Variants in CMYA5 observed in about 807,000 individuals in gnomAD.
CMYA5 encodes the protein cardiomyopathy associated 5.
CMYA5 carries 246 observed loss-of-function variants against 318.9 expected under a neutral mutation model. That is an observed-to-expected ratio of 0.77 (90% CI 0.70 to 0.86). The LOEUF is 0.86. Ranked by LOEUF, CMYA5 falls within the 40% of genes least tolerant of loss-of-function variation. The pLI, the probability that CMYA5 is intolerant of heterozygous loss-of-function variation, is 0.00. For synonymous variants in CMYA5, 1,641 were observed against 1,729.5 expected (o/e 0.95, Z 1.27); for missense variants, 4,589 against 4,678.2 (o/e 0.98, Z 0.56).
At chr5:79,713,400 T>A (rs1827442609) in intron 1 of CMYA5, among the ~76,000 whole-genome samples, 1 of 150,654 alleles carries the variant, frequency 6.6e-6, no homozygotes, top group Admixed American at 6.7e-5. Context: ...AATAATTGAG[T>A]TTCCTATGTT....
At chr5:79,743,175 TTTG>T (rs1197042965) in intron 2 of CMYA5, among the ~76,000 whole-genome samples, 17 of 152,218 alleles carry the variant, frequency 1.1e-4, no homozygotes, top group African/African-American at 3.6e-4. Context: ...TTTTTTCTGC[TTTG>T]TTATTTTTTA....
intron 1 of CMYA5, among the ~76,000 whole-genome samples, chr5:79,715,365 G>A (rs1444200729): frequency 6.6e-6 from 1 of 151,876 alleles, no homozygotes; most frequent in Admixed American, 6.6e-5. Flanking sequence ...TCAGCTCACT[G>A]CAAGCTCCGC....
rs75609173 is a variant in CMYA5, at chr5:79,791,953, G to T, written c.11789+884G>T. Among the ~76,000 whole-genome samples, 42 of 152,306 alleles carry T rather than the reference G, an allele frequency of 2.8e-4. No individual in the cohort carries two copies. The East Asian group carries it at 8.1e-3, about 29-fold the overall frequency. On this transcript the variant is annotated intron_variant, in intron 11 of 12. Coordinates refer to ENST00000446378, the MANE Select transcript of CMYA5 (RefSeq NM_153610.5). ...AAGGTATGTGAAACTCTTGAAAACT[G>T]TAACACACGGGAAACACAGGCTGCT...
chr5:79,731,219 G>T lies in CMYA5; in HGVS notation c.2454G>T (p.Glu818Asp). 3 of 1,613,934 alleles carry T rather than the reference G, an allele frequency of 1.9e-6. No homozygotes were observed. The highest frequency in any genetic ancestry group is 2.5e-6 in the Non-Finnish European group (3 of 1,179,886). The change falls in exon 2 of 13, where the codon GAG becomes GAT. Residue 818 changes from glutamate to aspartate, a missense_variant. By Grantham distance (45) the Glu-to-Asp change is conservative (BLOSUM62 2). Coordinates refer to ENST00000446378, the MANE Select transcript of CMYA5 (RefSeq NM_153610.5). ...AATCTCAAAAGAAAATAATCAATGAGGCATCCCAATTCAAACCAAAAGGTA... is the reference window on the plus strand; with the variant it reads ...AATCTCAAAAGAAAATAATCAATGATGCATCCCAATTCAAACCAAAAGGTA... ...TQESQKKIIN[E>D]ASQFKPKGIS...
chr5:79,764,394 G>A (rs2151095680), intron 9 of CMYA5, among the ~76,000 whole-genome samples: 1 of 152,192 alleles, frequency 6.6e-6, no homozygotes, highest in East Asian at 1.9e-4. Context: ...TCTTTATCCA[G>A]TCTATCATTT....
intron 1 of CMYA5, among the ~76,000 whole-genome samples, chr5:79,701,020 G>A (rs1402255161): frequency 2.7e-5 from 4 of 150,530 alleles, no homozygotes; most frequent in Admixed American, 6.6e-5. Flanking sequence ...TGAGGCAAGC[G>A]GATCACTTGA....
chr5:79,762,992 C>G, intron 8 of CMYA5, 70 bp from the exon 9 acceptor site: 1 of 1,505,172 alleles, frequency 6.6e-7, no homozygotes, highest in Non-Finnish European at 9.0e-7. Flanking sequence ...CGTGGAAGAT[C>G]ACGTGCTTCT....
At chr5:79,795,693 C>A (rs1482035108) in intron 12 of CMYA5, among the ~76,000 whole-genome samples, 1 of 152,166 alleles carries the variant, frequency 6.6e-6, no homozygotes, top group Non-Finnish European at 1.5e-5. Flanking sequence ...TGAAGAGGGG[C>A]AGCCAGGAAG....
In CMYA5 at chr5:79,745,406, A is replaced by G. The variant is rs1386262780; in HGVS notation, c.10919A>G (p.Glu3640Gly). The change falls in exon 4 of 13, where the codon GAG becomes GGG. Residue 3640 changes from glutamate (E) to glycine (G), a missense_variant. Coordinates refer to ENST00000446378, the MANE Select transcript of CMYA5 (RefSeq NM_153610.5). ...ATGGACACTGCCAAAGACACCCTGG[A>G]GACCATCGTGAGAGAAGCAGAGGAG... is the stretch of plus-strand genomic sequence containing the variant. ...QSMDTAKDTL[E>G]TIVREAEELD... 6.2e-7 allele frequency: 1 copy of G among 1,613,864 alleles called. No individual in the cohort carries two copies. Among genetic ancestry groups the G allele is most frequent in the African/African-American group, 1.3e-5 (1 of 74,916 alleles).
chr5:79,714,431 C>CTTTTTCTTTTTTTTTTTTTTTTTTTTTTT (rs767402291), intron 1 of CMYA5, among the ~76,000 whole-genome samples: 4 of 100,678 alleles, frequency 4.0e-5, no homozygotes, highest in African/African-American at 1.3e-4. Context: ...TTTTCTTTTT[C>CTTTTTCTTTTTTTTTTTTTTTTTTTTTTT]TTTTTTTTTT....
rs1827871383 is a variant in CMYA5, at chr5:79,730,656, T to C, written c.1891T>C (p.Ser631Pro). ...VEAIAEHAVL[S>P]EEENEEFEAY... Reference sequence around the variant, plus strand: ...AGCTATAGCTGAACATGCAGTTTTGTCAGAAGAAGAGAATGAGGAATTTGA... The same window carrying C: ...AGCTATAGCTGAACATGCAGTTTTGCCAGAAGAAGAGAATGAGGAATTTGA... Residue 631 changes from serine to proline, a missense_variant, in exon 2 of 13, where the codon TCA (serine) becomes CCA (proline). Physicochemically the swap from Ser to Pro is moderately conservative, Grantham distance 74. Coordinates refer to ENST00000446378, the MANE Select transcript of CMYA5 (RefSeq NM_153610.5). The C allele has an allele frequency of 1.9e-6, 3 of 1,613,912 alleles. No homozygotes were observed. Among genetic ancestry groups the C allele is most frequent in the Middle Eastern group, 1.6e-4 (1 of 6,084 alleles).
At chr5:79,727,828 A>G (rs1827778913) in intron 1 of CMYA5, among the ~76,000 whole-genome samples, 2 of 152,300 alleles carry the variant, frequency 1.3e-5, no homozygotes, top group South Asian at 4.1e-4. Context: ...CCAATAGCAA[A>G]TGAAGGAGCG....
At chr5:79,718,299 G>T (rs1827557865) in intron 1 of CMYA5, among the ~76,000 whole-genome samples, 2 of 151,974 alleles carry the variant, frequency 1.3e-5, no homozygotes, top group Non-Finnish European at 2.9e-5. Flanking sequence ...TAGAGTTAAT[G>T]ATTGCTTTTA....
In CMYA5 at chr5:79,739,357, A is replaced by G; in HGVS notation, c.10592A>G (p.Lys3531Arg). 1 of 1,561,940 alleles carries G rather than the reference A, an allele frequency of 6.4e-7. No homozygotes were observed. Among genetic ancestry groups the G allele is most frequent in the Non-Finnish European group, 8.7e-7 (1 of 1,153,814 alleles). Residue 3531 changes from lysine to arginine, a missense_variant, in exon 2 of 13, where the codon AAA becomes AGA. This residue lies in a region of CMYA5 where 2,431 missense variants were observed against 2,495.1 expected (regional missense o/e 0.97). Transcript: ENST00000446378. Reference sequence around the variant, plus strand: ...ACTGACAAGGTGTTTGGCACCCACAAAGACCATGAAGTTTCAACGCTTGAC... The same window carrying G: ...ACTGACAAGGTGTTTGGCACCCACAGAGACCATGAAGTTTCAACGCTTGAC... The part of the protein sequence containing the change: ...SATDKVFGTH[K>R]DHEVSTLDTA...
At chr5:79,715,526 A>T (rs1367840023) in intron 1 of CMYA5, among the ~76,000 whole-genome samples, 1 of 152,068 alleles carries the variant, frequency 6.6e-6, no homozygotes, top group East Asian at 1.9e-4. Context: ...TGACCTCGTC[A>T]TCCACCCGCC....
intron 9 of CMYA5, among the ~76,000 whole-genome samples, chr5:79,772,233 A>T (rs928306499): frequency 1.3e-5 from 2 of 152,092 alleles, no homozygotes; most frequent in Non-Finnish European, 2.9e-5. Flanking sequence ...ATTCATTTTT[A>T]TTTTTCTTGT....
In CMYA5 at chr5:79,740,932, A is replaced by G. The variant is rs1828196670; in HGVS notation, c.10638+1529A>G. On this transcript the variant is annotated intron_variant, in intron 2 of 12. Transcript: ENST00000446378. Reference sequence around the variant, plus strand: ...CACCCAGGCTGGAGTGCAGTGGTGTAATCACAGCTCACTGCAGCCTTGACC... The same window carrying G: ...CACCCAGGCTGGAGTGCAGTGGTGTGATCACAGCTCACTGCAGCCTTGACC... Among the ~76,000 whole-genome samples, 6 of 152,114 alleles carry G rather than the reference A, an allele frequency of 3.9e-5. 1 individual carries two copies. The South Asian group carries it at 1.2e-3, about 32-fold the overall frequency.
chr5:79,699,626 G>A (rs1022401398), intron 1 of CMYA5, among the ~76,000 whole-genome samples: 1 of 152,204 alleles, frequency 6.6e-6, no homozygotes, highest in Admixed American at 6.5e-5. Flanking sequence ...ATATAGTTGT[G>A]CCTCAGTCTA....
At chr5:79,697,393 C>T (rs1301311264) in intron 1 of CMYA5, among the ~76,000 whole-genome samples, 3 of 152,174 alleles carry the variant, frequency 2.0e-5, no homozygotes, top group Non-Finnish European at 4.4e-5. Context: ...TCTGGCAAGA[C>T]AGCCTGGCTG....
Sources: gnomAD v4.1 joint callset for allele counts (sites outside exome capture counted in the v4.1 genomes callset) on GRCh38, gnomAD v4.1.1 for gene constraint, gnomAD v4.1.1 regional missense constraint, MANE v1.5 for transcripts, NCBI Gene and HGNC (gene_info 2026-07-23, HGNC 2026-07-21) for gene names.